The following MAP2 variants were observed in gnomAD, a reference collection of about 807,000 sequenced individuals.
MAP2 encodes microtubule associated protein 2, also known as microtubule-associated protein 2.
Under a neutral mutation model 137.6 loss-of-function variants are expected in MAP2, and 14 were observed. The observed-to-expected ratio is 0.10, with a 90% CI of 0.07 to 0.16. MAP2 has a LOEUF of 0.16. Ranked by LOEUF, MAP2 falls within the 10% of genes least tolerant of loss-of-function variation. The pLI, the probability that MAP2 is intolerant of heterozygous loss-of-function variation, is 1.00. For synonymous variants in MAP2, 786 were observed against 782.3 expected, an observed-to-expected ratio of 1.00 and a Z score of -0.08; for missense variants, 2,088 against 2,191.5, an observed-to-expected ratio of 0.95 and a Z score of 0.94.
intron 2 of MAP2, among the ~76,000 whole-genome samples, chr2:209,525,123 A>G (rs751844332): frequency 6.6e-5 from 10 of 152,168 alleles, no homozygotes; most frequent in Admixed American, 1.3e-4. Context: ...AATTAAATAA[A>G]GACTATTCTG....
Position 209,593,634 on chromosome 2 carries a change from A to AAAT in MAP2, c.-107+13535_-107+13536insATA, listed in dbSNP as rs1286103137. 7.7e-4 allele frequency among the ~76,000 whole-genome samples: 26 copies of AAAT among 33,642 alleles called. 1 individual carries two copies. The highest frequency in any genetic ancestry group is 2.6e-3 in the South Asian group (2 of 782). The allele number at this position is 33,642 out of a possible 152,430, so 22.1% of individuals were successfully genotyped here. A position where few individuals can be genotyped will look rare whatever the true frequency, so the allele number is the denominator to read the frequency against. On this transcript the variant is annotated intron_variant, in intron 3 of 15. Transcript: ENST00000682079. ...CCTGTCTCTACAAAAAAAAAAAAAA[A>AAAT]ATATATATATATATATATATATATA...
At chr2:209,508,559 GACAC>G (rs1327244569) in intron 2 of MAP2, among the ~76,000 whole-genome samples, 2 of 131,634 alleles carry the variant, frequency 1.5e-5, no homozygotes, top group Non-Finnish European at 3.3e-5. Context: ...TAAGCACACA[GACAC>G]ACAGACACAC....
chr2:209,590,105 A>T (rs1254049990), intron 3 of MAP2, among the ~76,000 whole-genome samples: 2 of 152,104 alleles, frequency 1.3e-5, no homozygotes, highest in Non-Finnish European at 2.9e-5. Flanking sequence ...CCTCTTCCTC[A>T]GTTCTCCTTT....
At chr2:209,485,805 C>T (rs890679087) in intron 1 of MAP2, among the ~76,000 whole-genome samples, 1 of 152,232 alleles carries the variant, frequency 6.6e-6, no homozygotes, top group Non-Finnish European at 1.5e-5. Flanking sequence ...CACTTTCTAA[C>T]TTAACACTCC....
intron 1 of MAP2, among the ~76,000 whole-genome samples, chr2:209,498,117 G>A (rs1393475821): frequency 1.3e-5 from 2 of 152,200 alleles, no homozygotes; most frequent in East Asian, 3.9e-4. Context: ...TACAATGGGG[G>A]TATAGGCACT....
chr2:209,715,475 A>G (rs1296937895), intron 13 of MAP2, among the ~76,000 whole-genome samples: 1 of 152,166 alleles, frequency 6.6e-6, no homozygotes, highest in Non-Finnish European at 1.5e-5. Context: ...AATTCTTGCC[A>G]TCATGGAATT....
intron 2 of MAP2, among the ~76,000 whole-genome samples, chr2:209,540,880 G>C (rs566473362): frequency 6.6e-6 from 1 of 150,684 alleles, no homozygotes; most frequent in African/African-American, 2.5e-5. Context: ...TTTAGTTCTA[G>C]CTGCCACGAT....
chr2:209,688,456 A>G (rs1583465161), intron 7 of MAP2, among the ~76,000 whole-genome samples: 1 of 152,332 alleles, frequency 6.6e-6, no homozygotes, highest in East Asian at 1.9e-4. Context: ...TAAAAGAGAA[A>G]GAATGAAGAA....
intron 5 of MAP2, among the ~76,000 whole-genome samples, chr2:209,678,322 A>G (rs1353960844): frequency 6.6e-6 from 1 of 151,994 alleles, no homozygotes; most frequent in East Asian, 1.9e-4. Context: ...ATGTTCAAAT[A>G]CTATGTAAGT....
intron 10 of MAP2, among the ~76,000 whole-genome samples, chr2:209,699,012 A>G (rs548662694): frequency 1.3e-5 from 2 of 152,338 alleles, no homozygotes; most frequent in South Asian, 4.1e-4. Flanking sequence ...TCATTCTTTG[A>G]AAGAAATTTA....
At chr2:209,441,939 G>A (rs1697889567) in intron 1 of MAP2, among the ~76,000 whole-genome samples, 2 of 151,490 alleles carry the variant, frequency 1.3e-5, no homozygotes, top group African/African-American at 4.8e-5. Context: ...CAAAACAGAG[G>A]TCTTTTAGCA....
At chr2:209,727,823 C>CT (rs545516012) in intron 14 of MAP2, among the ~76,000 whole-genome samples, 7 of 152,172 alleles carry the variant, frequency 4.6e-5, no homozygotes, top group Non-Finnish European at 8.8e-5. Context: ...TCTGGATTCT[C>CT]TAACAGTTGC....
At chr2:209,601,071 A>G (rs760719105) in intron 3 of MAP2, among the ~76,000 whole-genome samples, 25 of 152,160 alleles carry the variant, frequency 1.6e-4, no homozygotes, top group Non-Finnish European at 3.1e-4. Context: ...AGTAAATTTC[A>G]ATAATACTTA....
chr2:209,647,814 T>C (rs1011063636), intron 4 of MAP2, among the ~76,000 whole-genome samples: 32 of 152,144 alleles, frequency 2.1e-4, no homozygotes, highest in African/African-American at 7.5e-4. Flanking sequence ...AAAGCTGGAA[T>C]TTTAAAAAAC....
intron 5 of MAP2, among the ~76,000 whole-genome samples, chr2:209,663,462 G>C (rs759958445): frequency 6.6e-6 from 1 of 152,134 alleles, no homozygotes; most frequent in Non-Finnish European, 1.5e-5. Context: ...AGAAAATACA[G>C]TTCAAAAACC....
At chr2:209,667,972 C>T (rs904448636) in intron 5 of MAP2, among the ~76,000 whole-genome samples, 2 of 152,000 alleles carry the variant, frequency 1.3e-5, no homozygotes, top group African/African-American at 4.8e-5. Context: ...AAAGCTTAAT[C>T]TCCTTGCCCT....
At chr2:209,594,385 G>A (rs1320784564) in intron 3 of MAP2, among the ~76,000 whole-genome samples, 2 of 152,104 alleles carry the variant, frequency 1.3e-5, no homozygotes, top group South Asian at 4.1e-4. Context: ...CAAATGTTCT[G>A]AATAAGTTTC....
In MAP2 at chr2:209,454,668, C is replaced by T. The variant is rs747206919; in HGVS notation, c.-222+30392C>T. Among the ~76,000 whole-genome samples the T allele has an allele frequency of 3.3e-4, 50 of 152,200 alleles. No individual in the cohort carries two copies. The Middle Eastern group carries it at 0.017, about 52-fold the overall frequency. ...CTGAATATCTTAGTAAATTCCACTG[C>T]ATAGCAAACTAAAAGAGTCTTTTAA... On this transcript the variant is annotated intron_variant, in intron 1 of 15. Transcript: ENST00000682079.
intron 1 of MAP2, among the ~76,000 whole-genome samples, chr2:209,434,955 T>G (rs1246001749): frequency 6.8e-6 from 1 of 146,822 alleles, no homozygotes; most frequent in Non-Finnish European, 1.5e-5. Context: ...GTTTTATATA[T>G]ATAAAGCAAA....
Sources: gnomAD v4.1 joint callset for allele counts (sites outside exome capture counted in the v4.1 genomes callset) on GRCh38, gnomAD v4.1.1 for gene constraint, MANE v1.5 for transcripts, NCBI Gene and HGNC (gene_info 2026-07-23, HGNC 2026-07-21) for gene names.